The following RPS6KB1 variants were observed in gnomAD, a reference collection of about 807,000 sequenced individuals.
RPS6KB1 encodes ribosomal protein S6 kinase B1, also known as ribosomal protein S6 kinase beta-1.
RPS6KB1 carries 12 observed loss-of-function variants against 70.2 expected under a neutral mutation model. The ratio of observed to expected loss-of-function variants is 0.17; its 90% confidence interval spans 0.11 to 0.28. The LOEUF (loss-of-function observed/expected upper bound fraction) is 0.28, where lower values mean the gene tolerates loss of function less well. Ranked by LOEUF, RPS6KB1 falls within the 10% of genes least tolerant of loss-of-function variation. The pLI, the probability that RPS6KB1 is intolerant of heterozygous loss-of-function variation, is 1.00. For missense variants in RPS6KB1, 270 were observed against 646.6 expected (o/e 0.42, Z 6.32); for synonymous variants, 175 against 211.2 (o/e 0.83, Z 1.49).
intron 7 of RPS6KB1, among the ~76,000 whole-genome samples, chr17:59,932,351 G>A (rs1459840535): frequency 1.3e-5 from 2 of 152,072 alleles, no homozygotes; most frequent in African/African-American, 2.4e-5. Flanking sequence ...GGCGAAAGTT[G>A]CAGTGAGCCA....
intron 4 of RPS6KB1, among the ~76,000 whole-genome samples, chr17:59,915,640 A>G (rs1219523224): frequency 1.5e-5 from 2 of 132,888 alleles, no homozygotes; most frequent in Non-Finnish European, 3.3e-5. Context: ...TAATTTTTGG[A>G]TTTTTAGTGT....
In RPS6KB1 at chr17:59,900,771, G is replaced by T. The variant is rs575879977; in HGVS notation, c.141+7446G>T. On this transcript the variant is annotated intron_variant, in intron 1 of 14. Coordinates refer to ENST00000225577, the MANE Select transcript of RPS6KB1 (RefSeq NM_003161.4). Reference sequence around the variant, plus strand: ...TTATAATGTCAGTAACTGAAATTCTGCTGCCAAGTTTTTTGTTGTTTTTTG... The same window carrying T: ...TTATAATGTCAGTAACTGAAATTCTTCTGCCAAGTTTTTTGTTGTTTTTTG... Among the ~76,000 whole-genome samples the T allele has an allele frequency of 1.4e-3, 211 of 152,250 alleles. 1 individual carries two copies. In the Middle Eastern group the frequency reaches 0.017, roughly 12 times the overall value.
Position 59,898,629 on chromosome 17 carries a change from A to G in RPS6KB1, c.141+5304A>G, listed in dbSNP as rs9898281. Among the ~76,000 whole-genome samples the G allele has an allele frequency of 1.1e-4, 16 of 151,000 alleles. No individual in the cohort carries two copies. In the East Asian group the frequency reaches 1.2e-3, roughly 11 times the overall value. ...CTACCACACCCAGCTAATTTTTTGTATTTTTTTGGTAGAGACGGGGTTTCA... is the reference window on the plus strand; with the variant it reads ...CTACCACACCCAGCTAATTTTTTGTGTTTTTTTGGTAGAGACGGGGTTTCA... On this transcript the variant is annotated intron_variant, in intron 1 of 14. Coordinates refer to ENST00000225577, the MANE Select transcript of RPS6KB1 (RefSeq NM_003161.4).
In RPS6KB1 at chr17:59,897,964, C is replaced by CAAA. The variant is rs1469872753; in HGVS notation, c.141+4653_141+4655dup. On this transcript the variant is annotated intron_variant, in intron 1 of 14. Coordinates refer to ENST00000225577, the MANE Select transcript of RPS6KB1 (RefSeq NM_003161.4). ...TGGGCGACACAGTGAGATTCCGTCT[C>CAAA]AAAAAAAAAAAAAAAAGATTCTGTT... 5.2e-5 allele frequency among the ~76,000 whole-genome samples: 4 copies of CAAA among 76,290 alleles called. No individual in the cohort carries two copies. The East Asian group carries it at 1.7e-3, about 33-fold the overall frequency. 50.0% of individuals were successfully genotyped at this position (76,290 alleles called of 152,430 possible). A position where few individuals can be genotyped will look rare whatever the true frequency, so the allele number is the denominator to read the frequency against.
chr17:59,905,307 C>A (rs2042200967), intron 1 of RPS6KB1, among the ~76,000 whole-genome samples: 1 of 152,030 alleles, frequency 6.6e-6, no homozygotes, highest in Non-Finnish European at 1.5e-5. Flanking sequence ...TGTGCTCAGT[C>A]TCTTTGAGCT....
At chr17:59,941,056 T>C in intron 13 of RPS6KB1, 113 bp downstream of exon 13, 1 of 487,692 alleles carries the variant, frequency 2.1e-6, no homozygotes, top group East Asian at 3.3e-5. Flanking sequence ...TGGCCCACTT[T>C]TTTTTTTTTT....
chr17:59,907,000 TTTC>T (rs1457581031), intron 1 of RPS6KB1: 1 of 146,886 alleles, frequency 6.8e-6, no homozygotes, highest in Admixed American at 6.9e-5. Flanking sequence ...GTCCCTTGCA[TTTC>T]TTCTTTTTTT....
In RPS6KB1 at chr17:59,945,544, T is replaced by C. The variant is rs372098584; in HGVS notation, c.1340+26T>C. ...GTATTTCACACTCTTATTTTCACTTTTTTTTGTTTTTAAACAACCTACAAG... is the reference window on the plus strand; with the variant it reads ...GTATTTCACACTCTTATTTTCACTTCTTTTTGTTTTTAAACAACCTACAAG... On this transcript the variant is annotated intron_variant, in intron 14 of 14. Coordinates refer to ENST00000225577, the MANE Select transcript of RPS6KB1 (RefSeq NM_003161.4). The C allele has an allele frequency of 9.8e-5, 132 of 1,347,756 alleles. No individual in the cohort carries two copies. In the African/African-American group the frequency reaches 1.7e-3, roughly 17 times the overall value. 83.5% of individuals were successfully genotyped at this position (1,347,756 alleles called of 1,614,324 possible). A position where few individuals can be genotyped will look rare whatever the true frequency, so the allele number is the denominator to read the frequency against.
At chr17:59,945,258 C>T (rs963793235) in intron 13 of RPS6KB1, 148 bp from the exon 14 acceptor site, 1 of 512,404 alleles carries the variant, frequency 2.0e-6, no homozygotes, top group Non-Finnish European at 3.6e-6. Flanking sequence ...GTTAACGGGT[C>T]TAAAAATGAG....
intron 13 of RPS6KB1, among the ~76,000 whole-genome samples, chr17:59,942,158 G>A (rs777410805): frequency 1.3e-5 from 2 of 152,058 alleles, no homozygotes; most frequent in African/African-American, 2.4e-5. Context: ...ACGCCCAGTC[G>A]ATGGTCTCGA....
intron 1 of RPS6KB1, among the ~76,000 whole-genome samples, chr17:59,902,913 G>T (rs993697533): frequency 1.3e-5 from 2 of 152,064 alleles, no homozygotes; most frequent in Non-Finnish European, 2.9e-5. Context: ...GGGTGTGGGG[G>T]CTCATGCCTA....
At chr17:59,915,773 A>ATT (rs1157185738) in intron 4 of RPS6KB1, among the ~76,000 whole-genome samples, 1 of 86,220 alleles carries the variant, frequency 1.2e-5, no homozygotes, top group African/African-American at 6.7e-5. Flanking sequence ...GCCTACTGCT[A>ATT]TCTTTTTTTT....
chr17:59,912,245 G>T (rs140890459), intron 2 of RPS6KB1: 217 of 221,758 alleles, frequency 9.8e-4, no homozygotes, highest in African/African-American at 4.6e-3. Flanking sequence ...ATTCAATCAG[G>T]GTTCTTGCTC....
chr17:59,900,467 G>A (rs1420902161), intron 1 of RPS6KB1, among the ~76,000 whole-genome samples: 8 of 152,008 alleles, frequency 5.3e-5, no homozygotes, highest in Admixed American at 1.3e-4. Context: ...CTGGGTTCAA[G>A]CGATTCTCTT....
At chr17:59,928,783 C>T (rs1336956891) in intron 5 of RPS6KB1, among the ~76,000 whole-genome samples, 14 of 152,286 alleles carry the variant, frequency 9.2e-5, no homozygotes, top group Admixed American at 2.6e-4. Context: ...TTTCCTCAGT[C>T]TTTCTTTGAC....
chr17:59,935,244 T>C lies in RPS6KB1; in HGVS notation c.922T>C (p.Cys308Arg). 6.2e-7 allele frequency: 1 copy of C among 1,613,178 alleles called. No homozygotes were observed. The highest frequency in any genetic ancestry group is 8.5e-7 in the Non-Finnish European group (1 of 1,179,368). The change falls in exon 10 of 15, where the codon TGT becomes CGT. Residue 308 changes from cysteine (C) to arginine (R), a missense_variant. Physicochemically the swap from Cys to Arg is radical, Grantham distance 180. Transcript: ENST00000225577. ...GAAAACAATTGACAAAATCCTCAAA[T>C]GTAAACTCAATTTGCCTCCCTACCT... ...RKKTIDKILK[C>R]KLNLPPYLTQ...
chr17:59,921,411 T>C (rs924478617), intron 4 of RPS6KB1, among the ~76,000 whole-genome samples: 7 of 152,134 alleles, frequency 4.6e-5, no homozygotes, highest in African/African-American at 7.2e-5. Context: ...AGTTCAGGGC[T>C]TTCATTTCTA....
intron 4 of RPS6KB1, 60 bp downstream of exon 4, chr17:59,914,763 C>A: frequency 8.2e-7 from 1 of 1,224,766 alleles, no homozygotes. Flanking sequence ...TGATCTCAGC[C>A]AAAAGGCTGG....
intron 4 of RPS6KB1, among the ~76,000 whole-genome samples, chr17:59,925,434 A>G (rs866196021): frequency 6.6e-5 from 10 of 152,262 alleles, no homozygotes; most frequent in Middle Eastern, 3.4e-3. Context: ...AAATAAAGGT[A>G]TCATCATTTC....
Sources: gnomAD v4.1 joint callset for allele counts (sites outside exome capture counted in the v4.1 genomes callset) on GRCh38, gnomAD v4.1.1 for gene constraint, MANE v1.5 for transcripts, NCBI Gene and HGNC (gene_info 2026-07-23, HGNC 2026-07-21) for gene names.